The following GALNT18 variants were observed in gnomAD, a reference collection of about 807,000 sequenced individuals.
The protein encoded by GALNT18 is polypeptide N-acetylgalactosaminyltransferase 18.
GALNT18 carries 44 observed loss-of-function variants against 69.5 expected under a neutral mutation model. That is an observed-to-expected ratio of 0.63 (90% CI 0.50 to 0.81). GALNT18 has a LOEUF of 0.81. Among genes scored for constraint, GALNT18 ranks in the 40% least tolerant of loss-of-function variants. The pLI is 0.00. For missense variants in GALNT18, 715 were observed against 810.0 expected, an observed-to-expected ratio of 0.88 and a Z score of 1.42; for synonymous variants, 364 against 318.2, an observed-to-expected ratio of 1.14 and a Z score of -1.53.
chr11:11,418,745 G>A (rs1854923441), intron 3 of GALNT18, among the ~76,000 whole-genome samples: 2 of 152,224 alleles, frequency 1.3e-5, no homozygotes, highest in African/African-American at 4.8e-5. Flanking sequence ...AATGCACTCT[G>A]TGAATGTCTG....
At chr11:11,376,324 T>C (rs901254028) in intron 5 of GALNT18, among the ~76,000 whole-genome samples, 3 of 152,024 alleles carry the variant, frequency 2.0e-5, no homozygotes, top group Non-Finnish European at 2.9e-5. Context: ...AGAGGTTTCA[T>C]TGAGCCGAGA....
rs142063535 is a variant in GALNT18, at chr11:11,591,159, CGT to C, written c.235+30198_235+30199del. Among the ~76,000 whole-genome samples, 32 of 149,006 alleles carry C rather than the reference CGT, an allele frequency of 2.1e-4. No individual in the cohort carries two copies. Among genetic ancestry groups the C allele is most frequent in the African/African-American group, 4.7e-4 (19 of 40,342 alleles). On this transcript the variant is annotated intron_variant, in intron 1 of 10. Transcript: ENST00000227756. This position sits in a 1 kb window ranked among gnomAD's most constrained non-coding sequence, Gnocchi z 4.8. ...TGCTGACTCTGTAGGCCTAGGCTAC[CGT>C]GTGTGTGTGTGTGTGTGTGTGTGTT... is the stretch of plus-strand genomic sequence containing the variant.
Position 11,293,125 on chromosome 11 carries a change from G to T in GALNT18, c.1581C>A (p.Asp527Glu). The stretch of plus-strand genomic sequence containing the variant: ...TGTTGACGTCCACCAGGCATCGGTT[G>T]TCATCATCATCCACGGTGGGGCTCA... Reference protein sequence around the residue: ...GILSPTVDDDDNRCLVDVNSR... With the variant: ...GILSPTVDDDENRCLVDVNSR... Residue 527 changes from aspartate to glutamate, a missense_variant, in exon 10 of 11, where the codon GAC becomes GAA. By Grantham distance (45) the Asp-to-Glu change is conservative. Transcript: ENST00000227756. 1 of 1,371,254 alleles carries T rather than the reference G, an allele frequency of 7.3e-7. No individual in the cohort carries two copies. The highest frequency in any genetic ancestry group is 9.5e-7 in the Non-Finnish European group (1 of 1,052,358). The allele number at this position is 1,371,254 out of a possible 1,614,324, so 84.9% of individuals were successfully genotyped here.
chr11:11,388,602 G>A (rs1854107907), intron 3 of GALNT18, among the ~76,000 whole-genome samples: 1 of 152,182 alleles, frequency 6.6e-6, no homozygotes. Context: ...ACGCCACTGA[G>A]TCTGAGTTGG....
At chr11:11,410,613 TTC>T (rs1395257787) in intron 3 of GALNT18, among the ~76,000 whole-genome samples, 5 of 152,160 alleles carry the variant, frequency 3.3e-5, no homozygotes, top group African/African-American at 9.7e-5. Context: ...TTCTCAAGAT[TTC>T]TCACCCCTGC....
rs1490820360 is a variant in GALNT18, at chr11:11,538,331, T to G, written c.235+83028A>C. Among the ~76,000 whole-genome samples, 1 of 152,178 alleles carries G rather than the reference T, an allele frequency of 6.6e-6. No individual in the cohort carries two copies. The highest frequency in any genetic ancestry group is 1.5e-5 in the Non-Finnish European group (1 of 68,032). On this transcript the variant is annotated intron_variant, in intron 1 of 10. Transcript: ENST00000227756. This position sits in a 1 kb window ranked among gnomAD's most constrained non-coding sequence, Gnocchi z 5.2. ...GCCACTCACTAAGGCCAGGGTGTCC[T>G]TTACTTGGCAGGGAGCAGCTGGAGG...
At chr11:11,294,216 C>T (rs1251460515) in intron 9 of GALNT18, among the ~76,000 whole-genome samples, 2 of 152,188 alleles carry the variant, frequency 1.3e-5, no homozygotes, top group African/African-American at 2.4e-5. Flanking sequence ...CTCCCAGGGG[C>T]GTTGCACAGG....
intron 1 of GALNT18, among the ~76,000 whole-genome samples, chr11:11,449,565 C>A (rs1038314168): frequency 6.6e-6 from 1 of 152,214 alleles, no homozygotes; most frequent in Non-Finnish European, 1.5e-5. Context: ...CCCAGCCTGC[C>A]CTGCGCTCTG....
At chr11:11,566,594 G>A (rs1306442643) in intron 1 of GALNT18, among the ~76,000 whole-genome samples, 1 of 152,198 alleles carries the variant, frequency 6.6e-6, no homozygotes, top group Non-Finnish European at 1.5e-5. Flanking sequence ...TTCTCAAATG[G>A]TTCAGGGAGA....
At chr11:11,278,934 A>G (rs1849007373) in intron 10 of GALNT18, among the ~76,000 whole-genome samples, 1 of 152,250 alleles carries the variant, frequency 6.6e-6, no homozygotes, top group African/African-American at 2.4e-5. Flanking sequence ...TACACATTAT[A>G]TGCCTGTATG....
At chr11:11,507,524 T>C (rs573616791) in intron 1 of GALNT18, among the ~76,000 whole-genome samples, 1 of 152,218 alleles carries the variant, frequency 6.6e-6, no homozygotes, top group Non-Finnish European at 1.5e-5. Flanking sequence ...CTCTTTCTTT[T>C]CTTCTTCCCC....
intron 3 of GALNT18, among the ~76,000 whole-genome samples, chr11:11,405,399 A>G (rs1362441931): frequency 6.6e-6 from 1 of 152,198 alleles, no homozygotes; most frequent in Non-Finnish European, 1.5e-5. Flanking sequence ...AATCCTTTTC[A>G]AAGTGAATTT....
intron 1 of GALNT18, among the ~76,000 whole-genome samples, chr11:11,526,052 C>G (rs1046590904): frequency 2.0e-5 from 3 of 152,114 alleles, no homozygotes; most frequent in African/African-American, 7.2e-5. Flanking sequence ...GAGAAAGGCT[C>G]CAGAGGCAGT....
At chr11:11,567,062 A>G (rs146273985) in intron 1 of GALNT18, among the ~76,000 whole-genome samples, 1 of 152,284 alleles carries the variant, frequency 6.6e-6, no homozygotes, top group African/African-American at 2.4e-5. Context: ...GGGCCTCAGA[A>G]GCTATGGAAG....
intron 1 of GALNT18, among the ~76,000 whole-genome samples, chr11:11,513,243 T>C (rs904043352): frequency 1.2e-4 from 18 of 152,184 alleles, no homozygotes; most frequent in African/African-American, 4.1e-4. Flanking sequence ...TTCTGTAATA[T>C]GGGAATCATA....
rs922696810 is a variant in GALNT18 at position 11,382,652 on chromosome 11, G to C, written c.596-3388C>G. ...GACAAATATAATGACTAATCACAAA[G>C]ATTTTATCAGGATTTTTGCTGCCCT... On this transcript the variant is annotated intron_variant, in intron 3 of 10. Coordinates refer to ENST00000227756, the MANE Select transcript of GALNT18 (RefSeq NM_198516.3). This position sits in a 1 kb window ranked among gnomAD's most constrained non-coding sequence, Gnocchi z 4.3. Among the ~76,000 whole-genome samples, 1 of 152,070 alleles carries C rather than the reference G, an allele frequency of 6.6e-6. No homozygotes were observed. The highest frequency in any genetic ancestry group is 1.9e-4 in the East Asian group (1 of 5,198).
At position 11,389,493 on chromosome 11, in the gene GALNT18, C is replaced by A. The variant is rs987370372; in HGVS notation, c.596-10229G>T. On this transcript the variant is annotated intron_variant, in intron 3 of 10. Transcript: ENST00000227756. This position sits in a 1 kb window ranked among gnomAD's most constrained non-coding sequence, Gnocchi z 4.3. ...GTAAAGTAAAGGTGGGGCAATGGAC[C>A]AAACACTGTGAAATTACTTACAGAG... Among the ~76,000 whole-genome samples, 3 of 152,160 alleles carry A rather than the reference C, an allele frequency of 2.0e-5. No homozygotes were observed. Among genetic ancestry groups the A allele is most frequent in the African/African-American group, 7.2e-5 (3 of 41,440 alleles).
At chr11:11,391,299 T>C (rs930436374) in intron 3 of GALNT18, among the ~76,000 whole-genome samples, 3 of 152,238 alleles carry the variant, frequency 2.0e-5, no homozygotes, top group Non-Finnish European at 4.4e-5. Flanking sequence ...TTATTTGTAT[T>C]GCCACTTAGC....
intron 1 of GALNT18, among the ~76,000 whole-genome samples, chr11:11,611,203 CTCCT>C (rs1292708810): frequency 1.3e-5 from 2 of 152,196 alleles, no homozygotes; most frequent in African/African-American, 4.8e-5. Flanking sequence ...TTAATATGGA[CTCCT>C]ACTGTTTTGG....
Sources: gnomAD v4.1 joint callset for allele counts (sites outside exome capture counted in the v4.1 genomes callset) on GRCh38, gnomAD v4.1.1 for gene constraint, Gnocchi (gnomAD v3.1) non-coding constraint, MANE v1.5 for transcripts, NCBI Gene and HGNC (gene_info 2026-07-23, HGNC 2026-07-21) for gene names.